SNX29: variants seen among roughly 807,000 people sequenced by gnomAD.
SNX29 encodes the protein sorting nexin 29.
Under a neutral mutation model 102.1 loss-of-function variants are expected in SNX29, and 78 were observed. That is an observed-to-expected ratio of 0.76 (90% CI 0.64 to 0.92). The LOEUF is 0.92. Ranked by LOEUF, SNX29 falls within the 40% of genes least tolerant of loss-of-function variation. The pLI, the probability that SNX29 is intolerant of heterozygous loss-of-function variation, is 0.00. For missense variants in SNX29, 1,280 were observed against 1,061.7 expected, an observed-to-expected ratio of 1.21 and a Z score of -2.86; for synonymous variants, 580 against 414.5, an observed-to-expected ratio of 1.40 and a Z score of -4.85.
intron 4 of SNX29, among the ~76,000 whole-genome samples, chr16:12,033,900 T>C (rs1420819318): frequency 6.6e-6 from 1 of 152,062 alleles, no homozygotes; most frequent in African/African-American, 2.4e-5. Flanking sequence ...TCCTTGTAGC[T>C]CTAGTGTCTT....
chr16:12,563,198 A>G (rs1270958130), intron 20 of SNX29, among the ~76,000 whole-genome samples: 4 of 41,788 alleles, frequency 9.6e-5, no homozygotes, highest in Non-Finnish European at 2.0e-4. Context: ...CACAGTCAAC[A>G]TGCTGGGATT....
chr16:12,103,087 A>C (rs990900911), intron 11 of SNX29, among the ~76,000 whole-genome samples: 5 of 152,244 alleles, frequency 3.3e-5, no homozygotes, highest in African/African-American at 1.2e-4. Flanking sequence ...TTCCATGCTC[A>C]TGCATAGGTA....
chr16:12,295,867 C>G (rs2079964066), intron 15 of SNX29, among the ~76,000 whole-genome samples: 1 of 151,622 alleles, frequency 6.6e-6, no homozygotes, highest in Non-Finnish European at 1.5e-5. Context: ...TGAAAACTGT[C>G]TTTTGACAAA....
chr16:12,291,402 AGAACAGCACGG>A (rs1352259097), intron 15 of SNX29, among the ~76,000 whole-genome samples: 1 of 152,188 alleles, frequency 6.6e-6, no homozygotes, highest in African/African-American at 2.4e-5. Flanking sequence ...CACTGTCACG[AGAACAGCACGG>A]GAAAGACCCG....
At chr16:12,011,454 T>A (rs1468833576) in intron 3 of SNX29, among the ~76,000 whole-genome samples, 1 of 152,030 alleles carries the variant, frequency 6.6e-6, no homozygotes, top group East Asian at 1.9e-4. Context: ...TTTGTGTTTT[T>A]AGTAGAGACG....
At chr16:11,983,697 T>A (rs1257359575) in intron 1 of SNX29, 6 of 985,322 alleles carry the variant, frequency 6.1e-6, no homozygotes, top group Non-Finnish European at 6.0e-6. Flanking sequence ...TGCCTCCTGG[T>A]TGCTTGACTC....
chr16:12,562,268 A>G (rs545376158), intron 20 of SNX29, among the ~76,000 whole-genome samples: 2 of 152,200 alleles, frequency 1.3e-5, no homozygotes, highest in South Asian at 4.2e-4. Context: ...CAGCATCCCC[A>G]TGGGCCACGC....
chr16:12,014,995 G>A (rs2056800251), intron 3 of SNX29, among the ~76,000 whole-genome samples: 2 of 151,738 alleles, frequency 1.3e-5, no homozygotes, highest in African/African-American at 4.8e-5. Context: ...GAGGGGGAGG[G>A]TCCCGTTTTT....
At chr16:12,058,614 C>G (rs1239214435) in intron 8 of SNX29, among the ~76,000 whole-genome samples, 1 of 151,080 alleles carries the variant, frequency 6.6e-6, no homozygotes, top group African/African-American at 2.4e-5. Context: ...CTGCCTCACC[C>G]TTCCAAGTAG....
intron 20 of SNX29, among the ~76,000 whole-genome samples, chr16:12,555,603 C>T (rs973643712): frequency 6.6e-6 from 1 of 151,834 alleles, no homozygotes; most frequent in Non-Finnish European, 1.5e-5. Context: ...CAGCAGCTGC[C>T]CTTAGTCCAG....
intron 18 of SNX29, among the ~76,000 whole-genome samples, chr16:12,439,466 C>T (rs1567564096): frequency 2.6e-5 from 4 of 152,146 alleles, no homozygotes. Context: ...TCACAGTTCC[C>T]ATGACTGGGG....
chr16:12,066,027 T>G (rs12443502), intron 9 of SNX29, among the ~76,000 whole-genome samples: 54,744 of 152,008 alleles, frequency 0.36, 10,071 homozygotes, highest in African/African-American at 0.44. Context: ...GTACAAGCCA[T>G]TCGCGGTTGT....
chr16:12,338,431 C>G (rs997003751), intron 15 of SNX29, among the ~76,000 whole-genome samples: 1 of 152,166 alleles, frequency 6.6e-6, no homozygotes, highest in African/African-American at 2.4e-5. Flanking sequence ...GAGGTATTCC[C>G]GGGAACAAGG....
In SNX29 at chr16:12,571,996, G is replaced by A. The variant is rs1222098653; in HGVS notation, c.*3367G>A. The A allele has an allele frequency of 9.4e-7, 1 of 1,062,370 alleles. No individual in the cohort carries two copies. The highest frequency in any genetic ancestry group is 1.6e-5 in the African/African-American group (1 of 60,882). 65.8% of individuals were successfully genotyped at this position (1,062,370 alleles called of 1,614,324 possible). On this transcript the variant is annotated 3_prime_UTR_variant, in exon 21 of 21. Transcript: ENST00000566228. ...TAGCCATCTTCACATCCAGTCACCAGTTGCATCTAGGGAGCTGCTGGCTAT... is the reference window on the plus strand; with the variant it reads ...TAGCCATCTTCACATCCAGTCACCAATTGCATCTAGGGAGCTGCTGGCTAT...
At chr16:12,350,443 G>A (rs1340858935) in intron 15 of SNX29, among the ~76,000 whole-genome samples, 2 of 152,154 alleles carry the variant, frequency 1.3e-5, no homozygotes, top group African/African-American at 4.8e-5. Context: ...TTAATAGAAG[G>A]TACTGGAGTG....
Position 12,466,147 on chromosome 16 carries a change from C to T in SNX29, c.2038-11572C>T, listed in dbSNP as rs151240748. Among the ~76,000 whole-genome samples, 741 of 152,150 alleles carry T rather than the reference C, an allele frequency of 4.9e-3. 6 individuals are homozygous for T. Among genetic ancestry groups the T allele is most frequent in the African/African-American group, 0.017 (715 of 41,504 alleles). On this transcript the variant is annotated intron_variant, in intron 18 of 20. Coordinates refer to ENST00000566228, the MANE Select transcript of SNX29 (RefSeq NM_032167.5). The stretch of plus-strand genomic sequence containing the variant: ...ATAGTACTGGAAGTCCCATTCAGAG[C>T]AATTAGACAAGAAAAAGAAATAAAA...
At chr16:12,188,670 A>T (rs560356500) in intron 13 of SNX29, among the ~76,000 whole-genome samples, 1 of 152,128 alleles carries the variant, frequency 6.6e-6, no homozygotes, top group Non-Finnish European at 1.5e-5. Context: ...GGCTAATGAG[A>T]TGGGCTTTAT....
At chr16:12,199,750 G>C in intron 14 of SNX29, 67 bp downstream of exon 14, 1 of 1,284,286 alleles carries the variant, frequency 7.8e-7, no homozygotes. Context: ...TACGTGGCAC[G>C]CAATAGACAC....
intron 18 of SNX29, among the ~76,000 whole-genome samples, chr16:12,405,261 CCT>C (rs1356334948): frequency 9.2e-5 from 14 of 152,292 alleles, no homozygotes; most frequent in South Asian, 6.2e-4. Context: ...GACTTTTCCC[CCT>C]GTTTACCCCA....
Sources: allele counts gnomAD v4.1 joint callset (sites outside exome capture counted in the v4.1 genomes callset), GRCh38; gene constraint gnomAD v4.1.1; transcripts MANE v1.5; gene names NCBI Gene and HGNC (gene_info 2026-07-23, HGNC 2026-07-21).